ATXN10: variants seen among roughly 807,000 people sequenced by gnomAD.
ATXN10 encodes ataxin-10.
ATXN10 carries 28 observed loss-of-function variants against 52.9 expected under a neutral mutation model. That is an observed-to-expected ratio of 0.53 (90% CI 0.39 to 0.73). ATXN10 has a LOEUF of 0.73. Ranked by LOEUF, ATXN10 falls within the 30% of genes least tolerant of loss-of-function variation. The pLI is 0.00. For missense variants in ATXN10, 565 were observed against 577.0 expected (o/e 0.98, Z 0.21); for synonymous variants, 226 against 221.5 (o/e 1.02, Z -0.18).
At chr22:45,699,336 G>A (rs1324271519) in intron 3 of ATXN10, among the ~76,000 whole-genome samples, 1 of 152,018 alleles carries the variant, frequency 6.6e-6, no homozygotes, top group Non-Finnish European at 1.5e-5. Flanking sequence ...TTCTGATCCT[G>A]AGCATTAATC....
At chr22:45,714,254 C>T (rs1321602461) in intron 5 of ATXN10, among the ~76,000 whole-genome samples, 2 of 151,740 alleles carry the variant, frequency 1.3e-5, no homozygotes, top group Non-Finnish European at 2.9e-5. Context: ...ATTTTCTTTA[C>T]CTATTTTTCT....
In ATXN10 at chr22:45,780,157, C is replaced by CA. The variant is rs1601641419; in HGVS notation, c.1174-26801dup. Among the ~76,000 whole-genome samples the CA allele has an allele frequency of 6.6e-6, 1 of 150,998 alleles. No individual in the cohort carries two copies. Among genetic ancestry groups the CA allele is most frequent in the East Asian group, 1.9e-4 (1 of 5,148 alleles). On this transcript the variant is annotated intron_variant, in intron 9 of 11. Transcript: ENST00000252934. The surrounding 1 kb of genome is among the most constrained non-coding windows in gnomAD (Gnocchi z 4.0). ...GGAGTGCAGTGGCACGATCTTGGTT[C>CA]ACTGCAACCTCCACCTCCCAGGTTC...
At chr22:45,751,894 A>G (rs1925990719) in intron 9 of ATXN10, among the ~76,000 whole-genome samples, 1 of 145,764 alleles carries the variant, frequency 6.9e-6, no homozygotes, top group Admixed American at 6.9e-5. Flanking sequence ...AGAGGATCAA[A>G]GTTATGTTCC....
chr22:45,693,810 A>C (rs1923477958), intron 3 of ATXN10, among the ~76,000 whole-genome samples: 2 of 152,208 alleles, frequency 1.3e-5, no homozygotes, highest in Admixed American at 1.3e-4. Flanking sequence ...CCATGTGAAG[A>C]CACAGGGAGA....
At chr22:45,717,649 A>G (rs757801765) in intron 5 of ATXN10, among the ~76,000 whole-genome samples, 112 of 152,318 alleles carry the variant, frequency 7.4e-4, no homozygotes, top group Admixed American at 3.0e-3. Flanking sequence ...TTTGGTTATC[A>G]GACTGAATAT....
In ATXN10 at chr22:45,780,528, C is replaced by T. The variant is rs373802718; in HGVS notation, c.1174-26431C>T. Among the ~76,000 whole-genome samples, 147 of 152,328 alleles carry T rather than the reference C, an allele frequency of 9.7e-4. No individual in the cohort carries two copies. Among genetic ancestry groups the T allele is most frequent in the African/African-American group, 3.3e-3 (139 of 41,584 alleles). ...GCCCTGCTGTGGAGTGGATGTGAAC[C>T]TGTGCCAGCCTGTTTCCCCCTCTGT... On this transcript the variant is annotated intron_variant, in intron 9 of 11. Coordinates refer to ENST00000252934, the MANE Select transcript of ATXN10 (RefSeq NM_013236.4). The surrounding 1 kb of genome is among the most constrained non-coding windows in gnomAD (Gnocchi z 4.0).
rs1382495578 is a variant in ATXN10 at position 45,820,840 on chromosome 22, A to G, written c.1237+13818A>G. On this transcript the variant is annotated intron_variant, in intron 10 of 11. Coordinates refer to ENST00000252934, the MANE Select transcript of ATXN10 (RefSeq NM_013236.4). The surrounding 1 kb of genome is among the most constrained non-coding windows in gnomAD (Gnocchi z 4.9). Reference sequence around the variant, plus strand: ...CAGACCTTTTCTTCAGGGTTAACTGAGCACAGCCGAAAACAGGCCCTGTGC... The same window carrying G: ...CAGACCTTTTCTTCAGGGTTAACTGGGCACAGCCGAAAACAGGCCCTGTGC... 1.3e-5 allele frequency among the ~76,000 whole-genome samples: 2 copies of G among 152,152 alleles called. No individual in the cohort carries two copies. The highest frequency in any genetic ancestry group is 2.9e-5 in the Non-Finnish European group (2 of 68,020).
intron 9 of ATXN10, chr22:45,740,764 ATATG>A (rs1294102277): frequency 3.5e-5 from 9 of 260,442 alleles, no homozygotes; most frequent in South Asian, 7.9e-5. Flanking sequence ...GTATATATAT[ATATG>A]TATATGTTAA....
chr22:45,793,152 ACTTTT>A (rs577673985), intron 9 of ATXN10: 146 of 160,892 alleles, frequency 9.1e-4, no homozygotes, highest in Non-Finnish European at 1.8e-3. Context: ...TGTCCAACAG[ACTTTT>A]CTTATTTTAA....
At chr22:45,815,515 C>G (rs1270899819) in intron 10 of ATXN10, among the ~76,000 whole-genome samples, 2 of 152,168 alleles carry the variant, frequency 1.3e-5, no homozygotes, top group Non-Finnish European at 2.9e-5. Flanking sequence ...ATGCCAAATC[C>G]TGTGCTACAT....
intron 1 of ATXN10, among the ~76,000 whole-genome samples, chr22:45,687,005 A>G (rs1923170024): frequency 6.6e-6 from 1 of 151,918 alleles, no homozygotes; most frequent in Non-Finnish European, 1.5e-5. Flanking sequence ...GCTCCACATT[A>G]TTTTTTCTTT....
intron 7 of ATXN10, chr22:45,729,864 A>G: frequency 2.3e-6 from 1 of 433,454 alleles, no homozygotes; most frequent in South Asian, 2.1e-5. Context: ...GCACATATGT[A>G]TCTATTAAAA....
intron 10 of ATXN10, among the ~76,000 whole-genome samples, chr22:45,809,463 C>T (rs368902962): frequency 1.2e-4 from 19 of 152,166 alleles, no homozygotes; most frequent in African/African-American, 4.6e-4. Context: ...TTAGCTATTT[C>T]TTCTAGTAGG....
chr22:45,823,255 A>G lies in ATXN10; in HGVS notation c.1237+16233A>G. The G allele has an allele frequency of 2.2e-6, 1 of 461,248 alleles. No individual in the cohort carries two copies. Among genetic ancestry groups the G allele is most frequent in the Non-Finnish European group, 4.5e-6 (1 of 224,296 alleles). 28.6% of individuals were successfully genotyped at this position (461,248 alleles called of 1,614,324 possible). A position where few individuals can be genotyped will look rare whatever the true frequency, so the allele number is the denominator to read the frequency against. On this transcript the variant is annotated intron_variant, in intron 10 of 11. Coordinates refer to ENST00000252934, the MANE Select transcript of ATXN10 (RefSeq NM_013236.4). The surrounding 1 kb of genome is among the most constrained non-coding windows in gnomAD (Gnocchi z 4.9). ...ACTTCTATGATGTTTTAATGAATAAAAATTCCCAATTTTAATGTAAAATTT... is the reference window on the plus strand; with the variant it reads ...ACTTCTATGATGTTTTAATGAATAAGAATTCCCAATTTTAATGTAAAATTT...
At chr22:45,687,255 C>A (rs1002669545) in intron 1 of ATXN10, among the ~76,000 whole-genome samples, 4 of 152,158 alleles carry the variant, frequency 2.6e-5, no homozygotes, top group Middle Eastern at 3.2e-3. Context: ...GTCGGGAAAT[C>A]ATTTTTCCCA....
chr22:45,791,374 G>GT (rs1038794576), intron 9 of ATXN10, among the ~76,000 whole-genome samples: 44 of 151,538 alleles, frequency 2.9e-4, no homozygotes, highest in African/African-American at 8.0e-4. Flanking sequence ...GTATCCTTGT[G>GT]TTTTTTTTCT....
At chr22:45,815,623 C>T (rs766688368) in intron 10 of ATXN10, among the ~76,000 whole-genome samples, 4 of 141,410 alleles carry the variant, frequency 2.8e-5, no homozygotes, top group Non-Finnish European at 6.2e-5. Flanking sequence ...CTTCCTTTTT[C>T]ATGGTGTCAC....
At chr22:45,796,376 G>T (rs1003345611) in intron 9 of ATXN10, among the ~76,000 whole-genome samples, 1 of 152,086 alleles carries the variant, frequency 6.6e-6, no homozygotes, top group African/African-American at 2.4e-5. Context: ...TTCTAGTTTC[G>T]CCCTGGCCTT....
Position 45,733,656 on chromosome 22 carries a change from C to T in ATXN10, c.894+4066C>T, listed in dbSNP as rs1484038763. 2.0e-5 allele frequency among the ~76,000 whole-genome samples: 3 copies of T among 151,580 alleles called. No individual in the cohort carries two copies. The highest frequency in any genetic ancestry group is 2.9e-5 in the Non-Finnish European group (2 of 67,930). On this transcript the variant is annotated intron_variant, in intron 7 of 11. Transcript: ENST00000252934. The surrounding 1 kb of genome is among the most constrained non-coding windows in gnomAD (Gnocchi z 4.4). ...GAGGCTGTCCCAGCTACTCGGGAGG[C>T]GGAGGCAGAGAATCACGTGAACCCG...
Sources: allele counts gnomAD v4.1 joint callset (sites outside exome capture counted in the v4.1 genomes callset), GRCh38; gene constraint gnomAD v4.1.1; non-coding constraint Gnocchi (gnomAD v3.1); transcripts MANE v1.5; gene names NCBI Gene and HGNC (gene_info 2026-07-23, HGNC 2026-07-21).